The following VPS13A variants were observed in gnomAD, a reference collection of about 807,000 sequenced individuals.
VPS13A encodes the protein intermembrane lipid transfer protein VPS13A.
VPS13A carries 264 observed loss-of-function variants against 390.9 expected under a neutral mutation model. That is an observed-to-expected ratio of 0.68 (90% CI 0.61 to 0.75). The LOEUF is 0.75. VPS13A is among the 30% of genes least tolerant of loss of function. VPS13A has a pLI of 0.00. For missense variants in VPS13A, 3,409 were observed against 3,733.9 expected (o/e 0.91, Z 2.27); for synonymous variants, 1,231 against 1,227.1 (o/e 1.00, Z -0.07).
chr9:77,246,511 T>C (rs1375118516), intron 19 of VPS13A, among the ~76,000 whole-genome samples: 1 of 152,100 alleles, frequency 6.6e-6, no homozygotes, highest in Non-Finnish European at 1.5e-5. Flanking sequence ...TTTGTTTGAG[T>C]GTCAGATCTT....
Position 77,307,929 on chromosome 9 carries a change from C to CAT in VPS13A, c.3961-16_3961-15insAT. On this transcript the variant is annotated splice_polypyrimidine_tract_variant and intron_variant, in intron 34 of 71. Coordinates refer to ENST00000360280, the MANE Select transcript of VPS13A (RefSeq NM_033305.3). Reference sequence around the variant, plus strand: ...AGTAGCAGTGCTAAAAAGAACAAATCTTTTTTTTTTAACAGTTCATTCTTA... The same window carrying CAT: ...AGTAGCAGTGCTAAAAAGAACAAATCATTTTTTTTTTTAACAGTTCATTCTTA... The CAT allele has an allele frequency of 7.0e-7, 1 of 1,424,112 alleles. No individual in the cohort carries two copies. Among genetic ancestry groups the CAT allele is most frequent in the Non-Finnish European group, 9.7e-7 (1 of 1,031,274 alleles). The allele number at this position is 1,424,112 out of a possible 1,614,324, so 88.2% of individuals were successfully genotyped here.
At chr9:77,375,879 A>C (rs1188086758) in intron 67 of VPS13A, among the ~76,000 whole-genome samples, 1 of 152,240 alleles carries the variant, frequency 6.6e-6, no homozygotes, top group African/African-American at 2.4e-5. Context: ...TCCTGTGTTC[A>C]TACAGCTTAC....
intron 68 of VPS13A, chr9:77,385,253 A>T (rs1327509249): frequency 2.7e-6 from 2 of 740,610 alleles, no homozygotes; most frequent in Admixed American, 1.3e-4. Context: ...TATAAAAAAC[A>T]GTCATGGCCT....
At chr9:77,320,962 G>A (rs1171973238) in intron 42 of VPS13A, among the ~76,000 whole-genome samples, 1 of 151,924 alleles carries the variant, frequency 6.6e-6, no homozygotes, top group African/African-American at 2.4e-5. Context: ...TACTATCACT[G>A]ATGATGACAT....
chr9:77,210,177 C>CTCTT (rs1215460434), intron 6 of VPS13A, among the ~76,000 whole-genome samples: 2 of 134,982 alleles, frequency 1.5e-5, no homozygotes, highest in Admixed American at 1.5e-4. Flanking sequence ...CTCTCTCTCT[C>CTCTT]TCTCTCTTTC....
intron 50 of VPS13A, among the ~76,000 whole-genome samples, chr9:77,342,874 G>C (rs928281453): frequency 6.6e-6 from 1 of 152,178 alleles, no homozygotes; most frequent in Non-Finnish European, 1.5e-5. Flanking sequence ...AGGTGGATCA[G>C]CACAAACATG....
At chr9:77,405,114 G>A (rs1834540540) in intron 69 of VPS13A, among the ~76,000 whole-genome samples, 1 of 152,086 alleles carries the variant, frequency 6.6e-6, no homozygotes, top group Non-Finnish European at 1.5e-5. Context: ...CTTATAGACA[G>A]AAGGTATTTT....
chr9:77,295,623 G>T lies in VPS13A; in HGVS notation c.3589G>T (p.Val1197Leu), dbSNP rs1241061226. The T allele has an allele frequency of 6.2e-7, 1 of 1,614,028 alleles. No homozygotes were observed. The highest frequency in any genetic ancestry group is 1.1e-5 in the South Asian group (1 of 91,076). The change falls in exon 33 of 72, where the codon GTA becomes TTA. Residue 1197 changes from valine (V) to leucine (L), a missense_variant. Physicochemically the swap from Val to Leu is conservative, Grantham distance 32 (BLOSUM62 1). Around this residue, in one of 5 missense-constraint regions of VPS13A, gnomAD observed 2,717 missense variants for 2,917.4 expected, o/e 0.93. Transcript: ENST00000360280. ...GGCAGCTGGAATGGCTGCTACTGGT[G>T]TAAAAGAACTCGCACAAAGGAGTTC... ...VQAAGMAATG[V>L]KELAQRSSRM...
chr9:77,192,033 TGGG>T (rs1212387634), intron 1 of VPS13A, among the ~76,000 whole-genome samples: 3 of 152,200 alleles, frequency 2.0e-5, no homozygotes, highest in Non-Finnish European at 2.9e-5. Context: ...GCTCCAGTGT[TGGG>T]TATATACGTA....
At chr9:77,410,789 T>C (rs1289846800) in intron 71 of VPS13A, among the ~76,000 whole-genome samples, 1 of 152,140 alleles carries the variant, frequency 6.6e-6, no homozygotes, top group Non-Finnish European at 1.5e-5. Context: ...CCCAGATTCA[T>C]AAAGCAAGTC....
chr9:77,283,270 T>C, intron 29 of VPS13A, 85 bp from the exon 30 acceptor site: 2 of 790,628 alleles, frequency 2.5e-6, no homozygotes, highest in Admixed American at 2.2e-5. Flanking sequence ...CTATTTGTGG[T>C]GATATTTCAG....
At chr9:77,367,442 A>G (rs1026554144) in intron 61 of VPS13A, among the ~76,000 whole-genome samples, 15 of 152,222 alleles carry the variant, frequency 9.9e-5, no homozygotes, top group African/African-American at 3.1e-4. Context: ...GTAAGAATCA[A>G]TAAGTCCAAC....
chr9:77,235,779 G>A (rs1824110537), intron 17 of VPS13A, among the ~76,000 whole-genome samples: 1 of 152,056 alleles, frequency 6.6e-6, no homozygotes, highest in Non-Finnish European at 1.5e-5. Context: ...CTGTATTCAA[G>A]TTTGATGATT....
chr9:77,399,167 TAA>T (rs763173093), intron 68 of VPS13A, among the ~76,000 whole-genome samples: 10 of 86,124 alleles, frequency 1.2e-4, no homozygotes, highest in East Asian at 6.5e-4. Flanking sequence ...TAGAGTATAA[TAA>T]AAAAAAAAAA....
At chr9:77,364,272 A>G (rs1206073624) in intron 59 of VPS13A, among the ~76,000 whole-genome samples, 1 of 152,042 alleles carries the variant, frequency 6.6e-6, no homozygotes, top group Admixed American at 6.5e-5. Context: ...TAAAAATACA[A>G]AAATTAGCCA....
chr9:77,247,600 C>T (rs1169129680), intron 20 of VPS13A, among the ~76,000 whole-genome samples: 1 of 152,136 alleles, frequency 6.6e-6, no homozygotes, highest in Non-Finnish European at 1.5e-5. Flanking sequence ...AGCAAAATGA[C>T]CAATTAAACT....
At chr9:77,194,104 G>A (rs1320915237) in intron 1 of VPS13A, among the ~76,000 whole-genome samples, 2 of 152,110 alleles carry the variant, frequency 1.3e-5, no homozygotes, top group Non-Finnish European at 2.9e-5. Context: ...AGGGTGGTAA[G>A]GCCTGCATAT....
chr9:77,354,431 A>G (rs1831644072), intron 54 of VPS13A, among the ~76,000 whole-genome samples: 1 of 152,122 alleles, frequency 6.6e-6, no homozygotes, highest in Non-Finnish European at 1.5e-5. Context: ...CAAATACACC[A>G]TAGATTTTTA....
chr9:77,346,712 G>A (rs1180210995), intron 52 of VPS13A, among the ~76,000 whole-genome samples: 1 of 152,150 alleles, frequency 6.6e-6, no homozygotes, highest in Non-Finnish European at 1.5e-5. Flanking sequence ...GGTGAGAGAT[G>A]AGAATCCAAT....
Sources: allele counts gnomAD v4.1 joint callset (sites outside exome capture counted in the v4.1 genomes callset), GRCh38; gene constraint gnomAD v4.1.1; regional missense constraint gnomAD v4.1.1; transcripts MANE v1.5; gene names NCBI Gene and HGNC (gene_info 2026-07-23, HGNC 2026-07-21).